CNTNAP2: variants seen among roughly 807,000 people sequenced by gnomAD.
The protein encoded by CNTNAP2 is contactin-associated protein-like 2.
In CNTNAP2, 98 loss-of-function variants were observed where a neutral mutation model predicts 155.2. That is an observed-to-expected ratio of 0.63 (90% confidence interval 0.54 to 0.75). CNTNAP2 has a LOEUF of 0.75. Among genes scored for constraint, CNTNAP2 ranks in the 30% least tolerant of loss-of-function variants. The pLI is 0.00. For synonymous variants in CNTNAP2, 651 were observed against 631.2 expected, an observed-to-expected ratio of 1.03 and a Z score of -0.47; for missense variants, 1,727 against 1,688.1, an observed-to-expected ratio of 1.02 and a Z score of -0.40.
intron 8 of CNTNAP2, among the ~76,000 whole-genome samples, chr7:147,251,341 GCT>G (rs751971875): frequency 6.6e-6 from 1 of 152,106 alleles, no homozygotes; most frequent in Non-Finnish European, 1.5e-5. Context: ...GGTCCACATT[GCT>G]CTCTCTGAAC....
At chr7:148,395,030 A>G (rs1799436289) in intron 22 of CNTNAP2, among the ~76,000 whole-genome samples, 1 of 151,996 alleles carries the variant, frequency 6.6e-6, no homozygotes, top group Non-Finnish European at 1.5e-5. Context: ...TAGGTTTTCA[A>G]ACTCATTACT....
chr7:146,694,577 T>A (rs1246112164), intron 1 of CNTNAP2, among the ~76,000 whole-genome samples: 1 of 152,194 alleles, frequency 6.6e-6, no homozygotes, highest in East Asian at 1.9e-4. Flanking sequence ...TTGGCCATGC[T>A]GGGTCTTTTG....
At chr7:146,755,066 G>A (rs1024746771) in intron 1 of CNTNAP2, among the ~76,000 whole-genome samples, 1 of 151,800 alleles carries the variant, frequency 6.6e-6, no homozygotes, top group African/African-American at 2.4e-5. Context: ...GGTATTTTAG[G>A]GTGATACTCT....
chr7:146,922,709 A>G (rs1459291395), intron 3 of CNTNAP2, among the ~76,000 whole-genome samples: 2 of 152,154 alleles, frequency 1.3e-5, no homozygotes, highest in Non-Finnish European at 2.9e-5. Flanking sequence ...TCTGATTCTA[A>G]TTTCTCATTT....
intron 15 of CNTNAP2, among the ~76,000 whole-genome samples, chr7:148,021,337 T>C (rs1368759099): frequency 6.6e-6 from 1 of 151,960 alleles, no homozygotes; most frequent in Admixed American, 6.6e-5. Flanking sequence ...AGGCTTATGG[T>C]TTAGAAGGAA....
chr7:147,972,933 G>C (rs576940506), intron 14 of CNTNAP2, among the ~76,000 whole-genome samples: 1 of 151,962 alleles, frequency 6.6e-6, no homozygotes, highest in African/African-American at 2.4e-5. Context: ...GGTTCACACC[G>C]TGAAGCCAGG....
chr7:146,845,617 A>G (rs535259075), intron 3 of CNTNAP2, among the ~76,000 whole-genome samples: 3 of 152,260 alleles, frequency 2.0e-5, no homozygotes, highest in Non-Finnish European at 4.4e-5. Flanking sequence ...GTCACCCTCT[A>G]TGTTTTTCAG....
At chr7:148,220,759 T>A (rs1304596532) in intron 19 of CNTNAP2, among the ~76,000 whole-genome samples, 1 of 152,072 alleles carries the variant, frequency 6.6e-6, no homozygotes, top group Non-Finnish European at 1.5e-5. Context: ...AAACAGTAAG[T>A]AAAATCAGAA....
chr7:147,652,362 T>G (rs187984003), intron 13 of CNTNAP2, among the ~76,000 whole-genome samples: 11 of 152,334 alleles, frequency 7.2e-5, no homozygotes, highest in Admixed American at 5.2e-4. Flanking sequence ...CTCTTGGTAT[T>G]GGACCTGAAA....
chr7:147,183,460 C>G (rs1378725821), intron 8 of CNTNAP2, among the ~76,000 whole-genome samples: 15 of 152,182 alleles, frequency 9.9e-5, no homozygotes, highest in Non-Finnish European at 1.5e-4. Flanking sequence ...TCTCGTCCAA[C>G]CACTCCATGA....
intron 1 of CNTNAP2, among the ~76,000 whole-genome samples, chr7:146,140,398 G>C (rs1584768829): frequency 6.6e-6 from 1 of 151,966 alleles, no homozygotes; most frequent in African/African-American, 2.4e-5. Flanking sequence ...TTTGCCACAC[G>C]TGTCTGTCCT....
chr7:147,283,131 A>C (rs1805082691), intron 8 of CNTNAP2, among the ~76,000 whole-genome samples: 1 of 151,928 alleles, frequency 6.6e-6, no homozygotes, highest in Admixed American at 6.6e-5. Context: ...TGCATATTTC[A>C]TGAGTTTTTT....
chr7:146,933,168 C>G (rs1040401520), intron 3 of CNTNAP2, among the ~76,000 whole-genome samples: 1 of 151,732 alleles, frequency 6.6e-6, no homozygotes, highest in African/African-American at 2.4e-5. Context: ...GGAGGCATCA[C>G]GCTACCTGAC....
At chr7:147,977,191 G>T (rs1441338696) in intron 14 of CNTNAP2, among the ~76,000 whole-genome samples, 1 of 152,088 alleles carries the variant, frequency 6.6e-6, no homozygotes, top group African/African-American at 2.4e-5. Context: ...CCTCCTTTAG[G>T]ATGGATACAG....
intron 18 of CNTNAP2, among the ~76,000 whole-genome samples, chr7:148,214,666 GT>G (rs1342437607): frequency 6.6e-6 from 1 of 152,110 alleles, no homozygotes; most frequent in Non-Finnish European, 1.5e-5. Flanking sequence ...CGCCTCCCAG[GT>G]TCAAGTGATT....
intron 1 of CNTNAP2, among the ~76,000 whole-genome samples, chr7:146,262,694 CAG>C (rs1799937937): frequency 6.6e-6 from 1 of 152,072 alleles, no homozygotes; most frequent in Admixed American, 6.5e-5. Flanking sequence ...AGTTTAGTAA[CAG>C]TGTGAAAATG....
At chr7:146,520,014 T>G (rs1797595006) in intron 1 of CNTNAP2, among the ~76,000 whole-genome samples, 1 of 151,722 alleles carries the variant, frequency 6.6e-6, no homozygotes, top group Admixed American at 6.6e-5. Context: ...ATATTAAATA[T>G]ACAAGCTCTT....
rs556623759 is a variant in CNTNAP2, at chr7:147,128,100, C to T, written c.940-593C>T. Among the ~76,000 whole-genome samples, 123 of 152,228 alleles carry T rather than the reference C, an allele frequency of 8.1e-4. 2 individuals carry two copies. Among genetic ancestry groups the T allele is most frequent in the Middle Eastern group, 3.4e-3 (1 of 294 alleles). On this transcript the variant is annotated intron_variant, in intron 6 of 23. Transcript: ENST00000361727. The stretch of plus-strand genomic sequence containing the variant: ...CTATAATATCTTTAAGCCTACACAG[C>T]TCAACTTTGAGTTCCCAAATCCTAA...
intron 13 of CNTNAP2, among the ~76,000 whole-genome samples, chr7:147,645,947 T>G (rs1224350969): frequency 2.0e-5 from 3 of 151,976 alleles, no homozygotes; most frequent in Non-Finnish European, 4.4e-5. Flanking sequence ...TAATTCAGAG[T>G]CTCTACCTAA....
Sources: allele counts gnomAD v4.1 joint callset (sites outside exome capture counted in the v4.1 genomes callset), GRCh38; gene constraint gnomAD v4.1.1; transcripts MANE v1.5; gene names NCBI Gene and HGNC (gene_info 2026-07-23, HGNC 2026-07-21).